Variants in MSRA observed in about 807,000 individuals in gnomAD.
MSRA encodes the protein mitochondrial peptide methionine sulfoxide reductase.
In MSRA, 54 loss-of-function variants were observed where a neutral mutation model predicts 31.3. The ratio of observed to expected loss-of-function variants is 1.73; its 90% CI spans 1.39 to 2.17. The LOEUF is 2.17. Among genes scored for constraint, MSRA ranks in the 30% most tolerant of loss-of-function variants. The pLI, the probability that MSRA is intolerant of heterozygous loss-of-function variation, is 0.00. For missense variants in MSRA, 507 were observed against 300.9 expected (o/e 1.69, Z -5.07); for synonymous variants, 169 against 116.5 (o/e 1.45, Z -2.90).
chr8:10,371,328 C>G (rs547373926), intron 5 of MSRA, among the ~76,000 whole-genome samples: 1 of 152,074 alleles, frequency 6.6e-6, no homozygotes, highest in Non-Finnish European at 1.5e-5. Context: ...TGAGCGCGCT[C>G]TCATGCTGGA....
intron 5 of MSRA, among the ~76,000 whole-genome samples, chr8:10,341,168 T>C (rs982363554): frequency 1.6e-4 from 24 of 152,166 alleles, no homozygotes; most frequent in Non-Finnish European, 2.5e-4. Flanking sequence ...TTGCCATAAA[T>C]ACCTGAGACT....
At chr8:10,224,590 G>A (rs1240527589) in intron 2 of MSRA, among the ~76,000 whole-genome samples, 1 of 152,180 alleles carries the variant, frequency 6.6e-6, no homozygotes, top group Non-Finnish European at 1.5e-5. Context: ...GGCTGGACCA[G>A]GTGGTAGTCT....
intron 5 of MSRA, among the ~76,000 whole-genome samples, chr8:10,422,100 T>G (rs1212422948): frequency 6.6e-6 from 1 of 152,066 alleles, no homozygotes; most frequent in African/African-American, 2.4e-5. Flanking sequence ...GGACAACATA[T>G]AGGGAGACAC....
At chr8:10,243,452 C>G (rs1432436123) in intron 2 of MSRA, among the ~76,000 whole-genome samples, 1 of 152,168 alleles carries the variant, frequency 6.6e-6, no homozygotes, top group African/African-American at 2.4e-5. Flanking sequence ...CCTGTGGATA[C>G]TTAATTTTTA....
chr8:10,346,402 C>T (rs1803778370), intron 5 of MSRA, among the ~76,000 whole-genome samples: 1 of 152,158 alleles, frequency 6.6e-6, no homozygotes, highest in Non-Finnish European at 1.5e-5. Flanking sequence ...AAACACCCTC[C>T]CCCACTCTAG....
rs146370186 is a variant in MSRA, at chr8:10,061,607, C to G, written c.142+6949C>G. Among the ~76,000 whole-genome samples the G allele has an allele frequency of 1.4e-3, 211 of 152,274 alleles. 1 individual carries two copies. Among genetic ancestry groups the G allele is most frequent in the African/African-American group, 4.6e-3 (191 of 41,560 alleles). On this transcript the variant is annotated intron_variant, in intron 1 of 5. Coordinates refer to ENST00000317173, the MANE Select transcript of MSRA (RefSeq NM_012331.5). Reference sequence around the variant, plus strand: ...TGCTGCCCACCAAGAACTCACAGCACTTCACCAAGAGTGCAGTCAATAGTG... The same window carrying G: ...TGCTGCCCACCAAGAACTCACAGCAGTTCACCAAGAGTGCAGTCAATAGTG...
intron 1 of MSRA, among the ~76,000 whole-genome samples, chr8:10,113,661 T>A (rs1316325075): frequency 2.0e-5 from 3 of 152,014 alleles, no homozygotes; most frequent in African/African-American, 7.2e-5. Flanking sequence ...GGGAGGCTGG[T>A]TGGGTACCCA....
intron 5 of MSRA, among the ~76,000 whole-genome samples, chr8:10,392,891 A>AG (rs1326971880): frequency 6.4e-4 from 1 of 1,556 alleles, no homozygotes; most frequent in African/African-American, 2.6e-3. Context: ...CTAAAAATGC[A>AG]AAAAAAAAAA....
chr8:10,119,575 C>T (rs1800954789), intron 1 of MSRA, among the ~76,000 whole-genome samples: 3 of 152,190 alleles, frequency 2.0e-5, no homozygotes, highest in Admixed American at 6.5e-5. Flanking sequence ...ATGATTAAAG[C>T]ACAGCCTTGC....
chr8:10,162,354 A>G (rs768262903), intron 1 of MSRA, among the ~76,000 whole-genome samples: 1 of 152,164 alleles, frequency 6.6e-6, no homozygotes, highest in Non-Finnish European at 1.5e-5. Flanking sequence ...GGGAGGACGA[A>G]ATGGGAGTCT....
intron 5 of MSRA, among the ~76,000 whole-genome samples, chr8:10,338,875 C>G (rs1585517976): frequency 6.6e-6 from 1 of 152,266 alleles, no homozygotes; most frequent in African/African-American, 2.4e-5. Context: ...TTTTGAGGCT[C>G]TAGGGAGCTG....
chr8:10,075,769 ATAT>A (rs1797966527), intron 1 of MSRA, among the ~76,000 whole-genome samples: 2 of 152,190 alleles, frequency 1.3e-5, no homozygotes, highest in Admixed American at 1.3e-4. Context: ...TCACAGAGCA[ATAT>A]TATTCTCTGG....
chr8:10,322,379 G>C (rs1306747927), intron 5 of MSRA, among the ~76,000 whole-genome samples: 1 of 151,398 alleles, frequency 6.6e-6, no homozygotes, highest in Non-Finnish European at 1.5e-5. Context: ...GGAAGTATGG[G>C]TGGGAGGGAG....
chr8:10,367,378 T>C (rs1203909596), intron 5 of MSRA, among the ~76,000 whole-genome samples: 6 of 152,222 alleles, frequency 3.9e-5, no homozygotes, highest in African/African-American at 9.6e-5. Context: ...TAAATAAAAC[T>C]TTAACAGGTA....
At chr8:10,069,376 A>G (rs1797617667) in intron 1 of MSRA, among the ~76,000 whole-genome samples, 1 of 152,206 alleles carries the variant, frequency 6.6e-6, no homozygotes, top group Non-Finnish European at 1.5e-5. Flanking sequence ...ACTTTTAGGT[A>G]TGATATTAGC....
chr8:10,319,097 G>A (rs1271883734), intron 4 of MSRA, among the ~76,000 whole-genome samples: 1 of 152,050 alleles, frequency 6.6e-6, no homozygotes, highest in Non-Finnish European at 1.5e-5. Flanking sequence ...AACCTGCACA[G>A]ATTTTCCCTT....
chr8:10,339,286 T>C (rs1477342379), intron 5 of MSRA, among the ~76,000 whole-genome samples: 1 of 152,194 alleles, frequency 6.6e-6, no homozygotes, highest in Non-Finnish European at 1.5e-5. Context: ...AGGCCCTTTC[T>C]GTAACTTTTC....
At chr8:10,218,492 G>A (rs1409104225) in intron 2 of MSRA, among the ~76,000 whole-genome samples, 3 of 152,060 alleles carry the variant, frequency 2.0e-5, no homozygotes, top group Admixed American at 6.5e-5. Flanking sequence ...ACTGATCATT[G>A]CCTCAGTCCA....
chr8:10,066,215 G>C, intron 1 of MSRA, among the ~76,000 whole-genome samples: 1 of 152,050 alleles, frequency 6.6e-6, no homozygotes, highest in East Asian at 1.9e-4. Context: ...TTGAACTCCT[G>C]ACCTCAGGAG....
Sources: gnomAD v4.1 joint callset for allele counts (sites outside exome capture counted in the v4.1 genomes callset) on GRCh38, gnomAD v4.1.1 for gene constraint, MANE v1.5 for transcripts, NCBI Gene and HGNC (gene_info 2026-07-23, HGNC 2026-07-21) for gene names.